The following CCDC14 variants were observed in gnomAD, a reference collection of about 807,000 sequenced individuals.
CCDC14 encodes the protein coiled-coil domain containing 14.
In CCDC14, 71 loss-of-function variants were observed where a neutral mutation model predicts 81.4. The ratio of observed to expected loss-of-function variants is 0.87; its 90% CI spans 0.72 to 1.06. CCDC14 has a LOEUF of 1.06. Ranked by LOEUF, CCDC14 falls within the 50% of genes least tolerant of loss-of-function variation. CCDC14 has a pLI of 0.00. For synonymous variants in CCDC14, 332 were observed against 364.8 expected (o/e 0.91, Z 1.03); for missense variants, 1,046 against 1,047.3 (o/e 1.00, Z 0.02).
In CCDC14 at chr3:123,915,522, C is replaced by T. The variant is rs1208325887; in HGVS notation, c.1975G>A (p.Glu659Lys). The change falls in exon 13 of 13, where the codon GAG (glutamate) becomes AAG (lysine). Residue 659 changes from glutamate (E) to lysine (K), a missense_variant. Glu to Lys is a moderately conservative substitution (Grantham distance 56). Coordinates refer to ENST00000409697, the MANE Select transcript of CCDC14 (RefSeq NM_001366335.1). The part of the protein sequence containing the change: ...LETNYSFTHS[E>K]PLSTIKNEET... ...TCATTTTTAATTGTAGAAAGTGGCT[C>T]TGAATGTGTAAAACTGTAATTTGTT... 1.2e-6 allele frequency: 2 copies of T among 1,613,838 alleles called. No individual in the cohort carries two copies. Among genetic ancestry groups the T allele is most frequent in the Non-Finnish European group, 1.7e-6 (2 of 1,179,882 alleles).
rs2036693896 is a variant in CCDC14 at position 123,947,258 on chromosome 3, C to T, written c.746G>A (p.Cys249Tyr). The change falls in exon 8 of 13, where the codon TGT becomes TAT. Residue 249 changes from cysteine (C) to tyrosine (Y), a missense_variant. Coordinates refer to ENST00000409697, the MANE Select transcript of CCDC14 (RefSeq NM_001366335.1). Reference sequence around the variant, plus strand: ...AAATGAATTCCGTAGAACATCAGTACAGGTTGCAGAAACTGTTTTACCTTG... The same window carrying T: ...AAATGAATTCCGTAGAACATCAGTATAGGTTGCAGAAACTGTTTTACCTTG... ...ASQGKTVSAT[C>Y]TDVLRNSFNT... 3.1e-6 allele frequency: 5 copies of T among 1,613,670 alleles called. No homozygotes were observed. In the South Asian group the frequency reaches 4.4e-5, roughly 14 times the overall value.
rs1298502610 is a variant in CCDC14, at chr3:123,948,737, G to C, written c.638C>G (p.Pro213Arg). The C allele has an allele frequency of 1.2e-6, 2 of 1,603,020 alleles. No homozygotes were observed. Among genetic ancestry groups the C allele is most frequent in the Admixed American group, 3.5e-5 (2 of 56,538 alleles). ...HSSYGLCTST[P>R]VWSLQRPPCP... is the part of the protein sequence containing the mutation. ...GGGTGGCCGCTGAAGTGACCAGACT[G>C]GGGTGGAGGTACATAAGCCATAACT... is the stretch of plus-strand genomic sequence containing the variant. The change falls in exon 7 of 13, where the codon CCA (proline) becomes CGA (arginine). Residue 213 changes from proline to arginine, a missense_variant. Pro to Arg is a moderately radical substitution (Grantham distance 103). Coordinates refer to ENST00000409697, the MANE Select transcript of CCDC14 (RefSeq NM_001366335.1).
At chr3:123,904,197 C>A (rs367643461) in intron 5 of CCDC14, among the ~76,000 whole-genome samples, 149 of 151,598 alleles carry the variant, frequency 9.8e-4, no homozygotes, top group African/African-American at 3.3e-3. Flanking sequence ...GAGGGATTTC[C>A]CTAAGGTACT....
intron 12 of CCDC14, among the ~76,000 whole-genome samples, chr3:123,925,672 G>A (rs745797165): frequency 6.6e-6 from 1 of 152,144 alleles, no homozygotes; most frequent in Non-Finnish European, 1.5e-5. Context: ...CTGACCTCAG[G>A]TGATCTGCCC....
At chr3:123,943,897 G>C (rs2036490476) in intron 9 of CCDC14, among the ~76,000 whole-genome samples, 1 of 152,088 alleles carries the variant, frequency 6.6e-6, no homozygotes, top group Non-Finnish European at 1.5e-5. Flanking sequence ...ATAATAAAGT[G>C]GTAAACTAAG....
At chr3:123,900,502 C>T (rs1559753682) in intron 5 of CCDC14, among the ~76,000 whole-genome samples, 1 of 152,228 alleles carries the variant, frequency 6.6e-6, no homozygotes, top group Non-Finnish European at 1.5e-5. Context: ...TGTATATCCA[C>T]TTTTCCTTCC....
downstream of CCDC14, among the ~76,000 whole-genome samples, chr3:123,892,997 G>A (rs147155007): frequency 6.6e-6 from 1 of 151,826 alleles, no homozygotes; most frequent in Non-Finnish European, 1.5e-5. Flanking sequence ...GTAGAGATGG[G>A]GTTTCACCAC....
chr3:123,906,376 G>A (rs539985125), intron 5 of CCDC14, among the ~76,000 whole-genome samples: 3 of 148,084 alleles, frequency 2.0e-5, no homozygotes, highest in Admixed American at 1.3e-4. Context: ...AAATAAAAAA[G>A]AAAGATCACA....
chr3:123,908,185 T>C (rs1162332809), intron 5 of CCDC14, among the ~76,000 whole-genome samples: 1 of 152,170 alleles, frequency 6.6e-6, no homozygotes, highest in African/African-American at 2.4e-5. Flanking sequence ...TAAAATTCTG[T>C]AAGATACCAA....
intron 12 of CCDC14, among the ~76,000 whole-genome samples, chr3:123,919,200 AC>A (rs2034895896): frequency 6.6e-6 from 1 of 151,978 alleles, no homozygotes; most frequent in Non-Finnish European, 1.5e-5. Context: ...TCACAGCTGT[AC>A]ATATAGTTTC....
At chr3:123,899,469 C>T (rs950300236) in intron 5 of CCDC14, among the ~76,000 whole-genome samples, 12 of 152,216 alleles carry the variant, frequency 7.9e-5, no homozygotes, top group Non-Finnish European at 1.5e-4. Context: ...CCCTCGTCCC[C>T]GGGAAACCTG....
At chr3:123,950,289 T>C (rs925617104) in intron 5 of CCDC14, among the ~76,000 whole-genome samples, 1 of 152,210 alleles carries the variant, frequency 6.6e-6, no homozygotes, top group Non-Finnish European at 1.5e-5. Flanking sequence ...CTCCCAGGTA[T>C]ACACCAATAG....
chr3:123,947,154 C>T lies in CCDC14; in HGVS notation c.850G>A (p.Val284Ile), dbSNP rs1304624213. ...AIPTLQQLGL[V>I]NGILPQQGIH... The stretch of plus-strand genomic sequence containing the variant: ...CCTTGTTGTGGCAGAATTCCATTAA[C>T]AAGGCCCAGTTGCTGCAATGTTGGA... Residue 284 changes from valine to isoleucine, a missense_variant, in exon 8 of 13, where the codon GTT becomes ATT. Val to Ile is a conservative substitution (Grantham distance 29). Transcript: ENST00000409697. 1 of 1,613,788 alleles carries T rather than the reference C, an allele frequency of 6.2e-7. No homozygotes were observed. The highest frequency in any genetic ancestry group is 2.2e-5 in the East Asian group (1 of 44,890).
At chr3:123,939,634 CATA>C (rs1335770852) in intron 9 of CCDC14, among the ~76,000 whole-genome samples, 1 of 151,620 alleles carries the variant, frequency 6.6e-6, no homozygotes, top group Non-Finnish European at 1.5e-5. Context: ...TTATCTTCTT[CATA>C]ATAATTTTTA....
chr3:123,950,929 C>T (rs894417443), intron 5 of CCDC14, among the ~76,000 whole-genome samples: 1 of 151,806 alleles, frequency 6.6e-6, no homozygotes, highest in Non-Finnish European at 1.5e-5. Context: ...AGATTTAATA[C>T]TATAACCAGT....
At chr3:123,956,269 A>G (rs1267588106) in intron 3 of CCDC14, 86 bp downstream of exon 3, 2 of 1,252,808 alleles carry the variant, frequency 1.6e-6, no homozygotes, top group Admixed American at 5.0e-5. Flanking sequence ...CCTTAGAGCA[A>G]TTAATACTTT....
At chr3:123,949,366 A>G (rs2036872040) in intron 5 of CCDC14, 1 of 468,438 alleles carries the variant, frequency 2.1e-6, no homozygotes, top group African/African-American at 1.9e-5. Context: ...TACAATTCCC[A>G]TTTTTTATGC....
intron 5 of CCDC14, 39 bp from the exon 6 acceptor site, chr3:123,949,171 C>T (rs756441104): frequency 7.8e-7 from 1 of 1,277,238 alleles, no homozygotes; most frequent in Non-Finnish European, 1.1e-6. Context: ...AAATATGATT[C>T]TTCAAAAACT....
chr3:123,947,311 T>C lies in CCDC14; in HGVS notation c.693A>G (p.Gln231=), dbSNP rs762042464. The part of the protein sequence containing the change: ...PCPPKVHSEV[Q]TDGNSQFASQ... ...ATGCAAACTGACTGTTGCCATCAGTTTGAACTTCCTAAAGAAAGATAAAAA... is the reference window on the plus strand; with the variant it reads ...ATGCAAACTGACTGTTGCCATCAGTCTGAACTTCCTAAAGAAAGATAAAAA... Residue 231 remains glutamine, a synonymous_variant, in exon 8 of 13, where the codon CAA becomes CAG. Coordinates refer to ENST00000409697, the MANE Select transcript of CCDC14 (RefSeq NM_001366335.1). 6 of 1,604,420 alleles carry C rather than the reference T, an allele frequency of 3.7e-6. No individual in the cohort carries two copies. The highest frequency in any genetic ancestry group is 2.7e-5 in the African/African-American group (2 of 74,564).
Sources: allele counts gnomAD v4.1 joint callset (sites outside exome capture counted in the v4.1 genomes callset), GRCh38; gene constraint gnomAD v4.1.1; transcripts MANE v1.5; gene names NCBI Gene and HGNC (gene_info 2026-07-23, HGNC 2026-07-21).